Variants in RNF217 observed in about 807,000 individuals in gnomAD.
RNF217 encodes the protein ring finger protein 217, also known as E3 ubiquitin-protein ligase RNF217.
In RNF217, 31 loss-of-function variants were observed where a neutral mutation model predicts 57.8. The observed-to-expected ratio is 0.54, with a 90% CI of 0.40 to 0.72. RNF217 has a LOEUF of 0.72. RNF217 is among the 30% of genes least tolerant of loss of function. RNF217 has a pLI of 0.00. For synonymous variants in RNF217, 313 were observed against 294.0 expected (o/e 1.06, Z -0.66); for missense variants, 696 against 708.3 (o/e 0.98, Z 0.20).
In RNF217 at chr6:125,087,452, T is replaced by G. The variant is rs143647165; in HGVS notation, c.*4515T>G. 3.7e-4 allele frequency: 56 copies of G among 152,274 alleles called. No homozygotes were observed. Among genetic ancestry groups the G allele is most frequent in the Admixed American group, 2.3e-3 (35 of 15,272 alleles). The allele number at this position is 152,274 out of a possible 1,614,324, so 9.4% of individuals were successfully genotyped here. A position where few individuals can be genotyped will look rare whatever the true frequency, so the allele number is the denominator to read the frequency against. ...TCTTTCCCATGGTCTGCTTTATTGT[T>G]TTGTGTTAATATCTATTATAAATAT... On this transcript the variant is annotated 3_prime_UTR_variant, in exon 6 of 6. Transcript: ENST00000521654.
intron 3 of RNF217, among the ~76,000 whole-genome samples, chr6:125,073,089 G>A (rs1167998395): frequency 2.0e-5 from 3 of 152,130 alleles, no homozygotes; most frequent in East Asian, 3.9e-4. Flanking sequence ...TTGTTAAGTC[G>A]TATTATCTCC....
At chr6:125,001,333 C>T (rs1784973831) in intron 1 of RNF217, among the ~76,000 whole-genome samples, 1 of 152,090 alleles carries the variant, frequency 6.6e-6, no homozygotes. Flanking sequence ...AGAGGCTATG[C>T]TTTTGAGGTC....
In RNF217 at chr6:124,963,364, C is replaced by A; in HGVS notation, c.820C>A (p.Pro274Thr). The A allele has an allele frequency of 6.6e-7, 1 of 1,524,584 alleles. No individual in the cohort carries two copies. The allele number at this position is 1,524,584 out of a possible 1,614,324, so 94.4% of individuals were successfully genotyped here. A position where few individuals can be genotyped will look rare whatever the true frequency, so the allele number is the denominator to read the frequency against. ...RVCLEDKPIK[P>T]LPCCKKAVCE... ...GTGCCTGGAAGACAAGCCCATCAAG[C>A]CCCTGCCTTGCTGCAAGAAGGCCGT... is the stretch of plus-strand genomic sequence containing the variant. Residue 274 changes from proline (P) to threonine (T), a missense_variant, in exon 1 of 6, where the codon CCC (proline) becomes ACC (threonine). This residue lies in a region of RNF217 where 465 missense variants were observed against 386.8 expected (regional missense o/e 1.20). Transcript: ENST00000521654.
intron 1 of RNF217, among the ~76,000 whole-genome samples, chr6:125,015,123 A>G (rs1046701119): frequency 6.6e-6 from 1 of 152,212 alleles, no homozygotes; most frequent in East Asian, 1.9e-4. Flanking sequence ...ACCAATGTGT[A>G]TGCTATCTGG....
intron 1 of RNF217, among the ~76,000 whole-genome samples, chr6:124,988,882 G>A (rs1784451545): frequency 6.6e-6 from 1 of 152,184 alleles, no homozygotes; most frequent in Admixed American, 6.5e-5. Flanking sequence ...CTGTATGTCA[G>A]TTGACATGTA....
Position 124,996,132 on chromosome 6 carries a change from G to A in RNF217, c.882+32706G>A, listed in dbSNP as rs147255866. On this transcript the variant is annotated intron_variant, in intron 1 of 5. Coordinates refer to ENST00000521654, the MANE Select transcript of RNF217 (RefSeq NM_001286398.3). ...AAAGTGGTTGTGCCAGTTGATACTC[G>A]CTCCACAGCTGATGAAAGTTCCCAT... Among the ~76,000 whole-genome samples, 628 of 152,062 alleles carry A rather than the reference G, an allele frequency of 4.1e-3. 6 individuals carry two copies. Among genetic ancestry groups the A allele is most frequent in the African/African-American group, 0.014 (599 of 41,490 alleles).
chr6:124,999,486 G>A (rs779032091), intron 1 of RNF217, among the ~76,000 whole-genome samples: 1 of 151,202 alleles, frequency 6.6e-6, no homozygotes, highest in East Asian at 2.0e-4. Flanking sequence ...TAAAATTGTG[G>A]TTCAAACTCA....
At chr6:125,042,247 C>G (rs1239192070) in intron 1 of RNF217, among the ~76,000 whole-genome samples, 1 of 152,024 alleles carries the variant, frequency 6.6e-6, no homozygotes, top group Admixed American at 6.6e-5. Flanking sequence ...TTCCAAACTG[C>G]CAATTACTGG....
chr6:124,974,311 T>A lies in RNF217; in HGVS notation c.882+10885T>A, dbSNP rs192789848. Reference sequence around the variant, plus strand: ...TTTCGAGCCTGAATTTTAATTTTTTTAAAAAATTTTGTCTTTTCAATCATT... The same window carrying A: ...TTTCGAGCCTGAATTTTAATTTTTTAAAAAAATTTTGTCTTTTCAATCATT... On this transcript the variant is annotated intron_variant, in intron 1 of 5. Transcript: ENST00000521654. Among the ~76,000 whole-genome samples the A allele has an allele frequency of 4.3e-3, 652 of 152,324 alleles. 1 individual carries two copies. The highest frequency in any genetic ancestry group is 5.8e-3 in the South Asian group (28 of 4,828).
At chr6:125,074,313 A>ATAGATAGGTAGATAGATAGATAGT (rs1258352529) in intron 3 of RNF217, among the ~76,000 whole-genome samples, 30 of 147,990 alleles carry the variant, frequency 2.0e-4, no homozygotes, top group African/African-American at 6.8e-4. Flanking sequence ...AGATAGATAG[A>ATAGATAGGTAGATAGATAGATAGT]TAGATAGATA....
intron 3 of RNF217, among the ~76,000 whole-genome samples, chr6:125,069,857 G>A (rs893074807): frequency 1.3e-5 from 2 of 148,774 alleles, no homozygotes; most frequent in Admixed American, 6.7e-5. Context: ...AATCTCAGGG[G>A]ATTTTTTTTA....
intron 1 of RNF217, among the ~76,000 whole-genome samples, chr6:124,971,873 T>G (rs1406499470): frequency 6.6e-6 from 1 of 152,214 alleles, no homozygotes; most frequent in Non-Finnish European, 1.5e-5. Context: ...GTCTGTGTAG[T>G]CCTGAGCTAA....
chr6:124,965,391 TGG>T (rs1783498401), intron 1 of RNF217, among the ~76,000 whole-genome samples: 1 of 151,990 alleles, frequency 6.6e-6, no homozygotes, highest in African/African-American at 2.4e-5. Context: ...CTGACCAACA[TGG>T]TGAAACCCCG....
chr6:125,037,680 T>G (rs1786696963), intron 1 of RNF217, among the ~76,000 whole-genome samples: 1 of 152,160 alleles, frequency 6.6e-6, no homozygotes, highest in Non-Finnish European at 1.5e-5. Context: ...GCCCTGATGG[T>G]GCACCTCAAA....
intron 1 of RNF217, among the ~76,000 whole-genome samples, chr6:124,995,928 G>GA (rs1396882539): frequency 3.3e-5 from 5 of 151,624 alleles, no homozygotes; most frequent in African/African-American, 4.8e-5. Context: ...TCTCAAAAAA[G>GA]AAAAAGAATC....
chr6:124,964,255 C>G (rs1783435237), intron 1 of RNF217, among the ~76,000 whole-genome samples: 4 of 152,172 alleles, frequency 2.6e-5, no homozygotes, highest in Admixed American at 2.6e-4. Context: ...GATCCTGTGT[C>G]CAATTGTCCT....
rs772599444 is a variant in RNF217, at chr6:124,994,564, A to G, written c.882+31138A>G. Among the ~76,000 whole-genome samples the G allele has an allele frequency of 3.9e-5, 6 of 152,258 alleles. No individual in the cohort carries two copies. In the South Asian group the frequency reaches 1.2e-3, roughly 32 times the overall value. ...CAGATGTGTGAATCTGTTTTCTCCC[A>G]TACACAGCTGCTTTGCTGCTCCCAA... On this transcript the variant is annotated intron_variant, in intron 1 of 5. Transcript: ENST00000521654.
intron 1 of RNF217, among the ~76,000 whole-genome samples, chr6:125,023,622 T>C (rs1042469234): frequency 2.6e-5 from 4 of 152,188 alleles, no homozygotes; most frequent in African/African-American, 9.7e-5. Flanking sequence ...ATATCTGTAC[T>C]CCCATGCTCA....
intron 1 of RNF217, among the ~76,000 whole-genome samples, chr6:124,974,329 C>T (rs1287894758): frequency 6.6e-6 from 1 of 152,126 alleles, no homozygotes; most frequent in Non-Finnish European, 1.5e-5. Context: ...TTTGTCTTTT[C>T]AATCATTTAA....
Sources: allele counts gnomAD v4.1 joint callset (sites outside exome capture counted in the v4.1 genomes callset), GRCh38; gene constraint gnomAD v4.1.1; regional missense constraint gnomAD v4.1.1; transcripts MANE v1.5; gene names NCBI Gene and HGNC (gene_info 2026-07-23, HGNC 2026-07-21).